Variants in RANBP17 observed in about 807,000 individuals in gnomAD.
The protein encoded by RANBP17 is RAN binding protein 17.
In RANBP17, 158 loss-of-function variants were observed where a neutral mutation model predicts 141.2. The ratio of observed to expected loss-of-function variants is 1.12; its 90% CI spans 0.98 to 1.28. The LOEUF (loss-of-function observed/expected upper bound fraction) is 1.28, where lower values mean the gene tolerates loss of function less well. RANBP17 is among the 50% of genes most tolerant of loss of function. The pLI, the probability that RANBP17 is intolerant of heterozygous loss-of-function variation, is 0.00. For missense variants in RANBP17, 1,438 were observed against 1,290.7 expected (o/e 1.11, Z -1.75); for synonymous variants, 430 against 450.0 (o/e 0.96, Z 0.56).
intron 7 of RANBP17, among the ~76,000 whole-genome samples, 200 bp from the exon 8 acceptor site, chr5:170,913,967 A>C (rs1771741312): frequency 6.6e-6 from 1 of 152,122 alleles, no homozygotes. Context: ...GTGCTACATG[A>C]GGAAGAGCCT....
chr5:171,283,932 A>G (rs555852997), intron 25 of RANBP17, among the ~76,000 whole-genome samples: 1 of 152,246 alleles, frequency 6.6e-6, no homozygotes, highest in Admixed American at 6.5e-5. Context: ...TTGGTACATT[A>G]CAATATTCAT....
intron 14 of RANBP17, among the ~76,000 whole-genome samples, chr5:171,069,271 G>A (rs534627843): frequency 1.3e-5 from 2 of 152,302 alleles, no homozygotes; most frequent in South Asian, 4.1e-4. Context: ...TGCCCTAGCA[G>A]CAGGAAGCTG....
intron 24 of RANBP17, among the ~76,000 whole-genome samples, chr5:171,259,894 T>C (rs1183226729): frequency 6.6e-6 from 1 of 151,216 alleles, no homozygotes; most frequent in East Asian, 2.0e-4. Flanking sequence ...AGCAGGAGAA[T>C]GGCTTGAACC....
chr5:171,177,055 C>A (rs1245005133), intron 16 of RANBP17, among the ~76,000 whole-genome samples: 1 of 152,204 alleles, frequency 6.6e-6, no homozygotes, highest in Non-Finnish European at 1.5e-5. Flanking sequence ...ATACCACCAT[C>A]TCCAGATGGT....
chr5:171,034,986 G>GT lies in RANBP17; in HGVS notation c.1710+66618dup, dbSNP rs1008126715. On this transcript the variant is annotated intron_variant, in intron 14 of 27. Transcript: ENST00000523189. ...ATAGGCATGAGCCACCACAGGTTTGGTTTTTTTTTCTTAATAGGTTGGACA... is the reference window on the plus strand; with the variant it reads ...ATAGGCATGAGCCACCACAGGTTTGGTTTTTTTTTTCTTAATAGGTTGGACA... 7.3e-5 allele frequency among the ~76,000 whole-genome samples: 11 copies of GT among 150,740 alleles called. No homozygotes were observed. The South Asian group carries it at 8.4e-4, about 12-fold the overall frequency.
At chr5:170,864,211 T>C (rs1465672917) in intron 1 of RANBP17, among the ~76,000 whole-genome samples, 1 of 152,174 alleles carries the variant, frequency 6.6e-6, no homozygotes, top group African/African-American at 2.4e-5. Flanking sequence ...GTGTTCCCCA[T>C]TACCTCTGTC....
chr5:171,133,181 G>A (rs2127793118), intron 14 of RANBP17, among the ~76,000 whole-genome samples: 1 of 152,216 alleles, frequency 6.6e-6, no homozygotes, highest in South Asian at 2.1e-4. Flanking sequence ...ACCGCGCCCG[G>A]CTGAATGTTT....
chr5:170,879,205 T>A (rs1768450372), intron 2 of RANBP17, among the ~76,000 whole-genome samples: 1 of 152,192 alleles, frequency 6.6e-6, no homozygotes, highest in Non-Finnish European at 1.5e-5. Context: ...AATACTAATA[T>A]CAGTCCATGA....
chr5:170,961,730 C>T (rs1469967750), intron 13 of RANBP17, among the ~76,000 whole-genome samples: 1 of 152,136 alleles, frequency 6.6e-6, no homozygotes, highest in Non-Finnish European at 1.5e-5. Flanking sequence ...TGAAGCATTT[C>T]ACAAAAGGAA....
chr5:171,168,539 G>C (rs1433241927), intron 14 of RANBP17, among the ~76,000 whole-genome samples: 1 of 152,162 alleles, frequency 6.6e-6, no homozygotes, highest in East Asian at 1.9e-4. Context: ...ATCATGGTGA[G>C]CTTAGGGAAA....
At position 171,194,287 on chromosome 5, in the gene RANBP17, G is replaced by A. The variant is rs377653385; in HGVS notation, c.2039-5383G>A. Among the ~76,000 whole-genome samples, 193 of 152,166 alleles carry A rather than the reference G, an allele frequency of 1.3e-3. 9 individuals carry two copies. The South Asian group carries it at 0.039, about 30-fold the overall frequency. ...ATATTCAGAATATTCATAAAATTGT[G>A]CAGCCATCACCATTATCTAATTCTA... On this transcript the variant is annotated intron_variant, in intron 18 of 27. Transcript: ENST00000523189.
chr5:171,185,445 A>T (rs1430639303), intron 18 of RANBP17, among the ~76,000 whole-genome samples: 1 of 152,262 alleles, frequency 6.6e-6, no homozygotes, highest in Admixed American at 6.5e-5. Flanking sequence ...GAACTTCTTT[A>T]AAAACTGGAG....
intron 14 of RANBP17, among the ~76,000 whole-genome samples, chr5:171,053,925 A>T (rs2446042): frequency 0.28 from 9,064 of 32,036 alleles, 1,819 homozygotes; most frequent in South Asian, 0.54. Flanking sequence ...ATATATATAT[A>T]ATTGCTGTAT....
At chr5:171,280,200 TG>T (rs1767767901) in intron 25 of RANBP17, among the ~76,000 whole-genome samples, 1 of 152,220 alleles carries the variant, frequency 6.6e-6, no homozygotes, top group Non-Finnish European at 1.5e-5. Context: ...TGTAGTGTGC[TG>T]GAAATGTGAA....
intron 3 of RANBP17, among the ~76,000 whole-genome samples, chr5:170,887,968 A>G (rs753821953): frequency 8.5e-5 from 13 of 152,224 alleles, no homozygotes; most frequent in Admixed American, 2.0e-4. Context: ...CCTGCCTCTT[A>G]AGATGTTACA....
chr5:171,179,157 T>C lies in RANBP17; in HGVS notation c.1866-4010T>C, dbSNP rs181030647. Among the ~76,000 whole-genome samples the C allele has an allele frequency of 2.0e-3, 297 of 151,154 alleles. 2 individuals carry two copies. The highest frequency in any genetic ancestry group is 7.1e-3 in the African/African-American group (289 of 40,968). ...CTTCTAGGGTTTTTATGGTTTTAGGTCTTATGTTTAAGTCTTTAGTCCATC... is the reference window on the plus strand; with the variant it reads ...CTTCTAGGGTTTTTATGGTTTTAGGCCTTATGTTTAAGTCTTTAGTCCATC... On this transcript the variant is annotated intron_variant, in intron 16 of 27. Transcript: ENST00000523189.
Position 171,070,680 on chromosome 5 carries a change from T to A in RANBP17, c.1711-99450T>A, listed in dbSNP as rs140338585. ...GCATTACCCATAATAGTTAAGTTCT[T>A]CATATTATAATAATGAGATAGTTTT... On this transcript the variant is annotated intron_variant, in intron 14 of 27. Transcript: ENST00000523189. 8.4e-3 allele frequency among the ~76,000 whole-genome samples: 1,275 copies of A among 152,238 alleles called. 7 individuals are homozygous for A. Among genetic ancestry groups the A allele is most frequent in the Non-Finnish European group, 0.015 (988 of 67,974 alleles).
At chr5:171,202,711 G>A (rs1018589239) in intron 19 of RANBP17, among the ~76,000 whole-genome samples, 1 of 152,108 alleles carries the variant, frequency 6.6e-6, no homozygotes, top group African/African-American at 2.4e-5. Context: ...CTCTGACACG[G>A]CTCTTTTGTT....
Position 170,953,668 on chromosome 5 carries a change from G to T in RANBP17, c.1540G>T (p.Glu514Ter), listed in dbSNP as rs373606129. ...AAGATTAACATATACCAGTACAGAT[G>T]AGCATGATGCTATGGATGGAGAATT... is the stretch of plus-strand genomic sequence containing the variant. ...GGRLTYTSTD[E>*]HDAMDGELSC... The change falls in exon 13 of 28, where the codon GAG becomes TAG. Residue 514 changes from glutamate to a stop codon, truncating the protein, a stop_gained. Coordinates refer to ENST00000523189, the MANE Select transcript of RANBP17 (RefSeq NM_022897.5). LOFTEE classifies it high-confidence loss of function. The T allele has an allele frequency of 5.5e-5, 88 of 1,609,882 alleles. No homozygotes were observed. In the South Asian group the frequency reaches 8.9e-4, roughly 16 times the overall value.
Sources: allele counts gnomAD v4.1 joint callset (sites outside exome capture counted in the v4.1 genomes callset), GRCh38; gene constraint gnomAD v4.1.1; transcripts MANE v1.5; gene names NCBI Gene and HGNC (gene_info 2026-07-23, HGNC 2026-07-21).